The following MEA1 variants were observed in gnomAD, a reference collection of about 807,000 sequenced individuals.
MEA1 encodes male-enhanced antigen 1.
Under a neutral mutation model 21.4 loss-of-function variants are expected in MEA1, and 22 were observed. The ratio of observed to expected loss-of-function variants is 1.03; its 90% CI spans 0.73 to 1.47. MEA1 has a LOEUF of 1.47. Ranked by LOEUF, MEA1 falls within the 40% of genes most tolerant of loss-of-function variation. MEA1 has a pLI of 0.00. For missense variants in MEA1, 233 were observed against 230.5 expected (o/e 1.01, Z -0.07); for synonymous variants, 91 against 85.5 (o/e 1.06, Z -0.35).
At position 43,012,473 on chromosome 6, in the gene MEA1, C is replaced by G. The variant is rs377566821; in HGVS notation, c.555G>C (p.Lys185Asn). Residue 185 changes from lysine to asparagine, a missense_variant, in exon 4 of 4, where the codon AAG (lysine) becomes AAC (asparagine). Physicochemically the swap from Lys to Asn is moderately conservative, Grantham distance 94 (BLOSUM62 0). Coordinates refer to ENST00000244711, the MANE Select transcript of MEA1 (RefSeq NM_014623.4). ...LQARQASPAW[K>N] ...TATAAGGCAGCTCTCACTGTGGTCA[C>G]TTCCAGGCAGGGGATGCCTGCCGGG... 3.8e-6 allele frequency: 6 copies of G among 1,598,012 alleles called. No homozygotes were observed. Among genetic ancestry groups the G allele is most frequent in the Middle Eastern group, 3.4e-4 (2 of 5,952 alleles).
intron 1 of MEA1, 158 bp downstream of exon 1, chr6:43,013,628 C>T (rs1762461214): frequency 1.1e-6 from 1 of 874,724 alleles, no homozygotes; most frequent in South Asian, 1.6e-5. Flanking sequence ...AACGCCCAAC[C>T]GGAGGCCCTG....
rs1762415366 is a variant in MEA1 at position 43,012,740 on chromosome 6, T to C, written c.407-119A>G. 2.2e-6 allele frequency: 3 copies of C among 1,337,600 alleles called. No individual in the cohort carries two copies. The Admixed American group carries it at 7.4e-5, about 33-fold the overall frequency. The allele number at this position is 1,337,600 out of a possible 1,614,324, so 82.9% of individuals were successfully genotyped here. A position where few individuals can be genotyped will look rare whatever the true frequency, so the allele number is the denominator to read the frequency against. ...AGGGTCACCAAATCCACCTTGTTACTTTAAGGCAAGCCTGCCCATCCCCAA... is the reference window on the plus strand; with the variant it reads ...AGGGTCACCAAATCCACCTTGTTACCTTAAGGCAAGCCTGCCCATCCCCAA... On this transcript the variant is annotated intron_variant, in intron 3 of 3. Coordinates refer to ENST00000244711, the MANE Select transcript of MEA1 (RefSeq NM_014623.4).
rs1581864638 is a variant in MEA1, at chr6:43,011,372, T to G, written c.*1098A>C. 2 of 1,549,340 alleles carry G rather than the reference T, an allele frequency of 1.3e-6. No homozygotes were observed. The highest frequency in any genetic ancestry group is 1.8e-6 in the Non-Finnish European group (2 of 1,139,642). On this transcript the variant is annotated 3_prime_UTR_variant, in exon 4 of 4. Coordinates refer to ENST00000244711, the MANE Select transcript of MEA1 (RefSeq NM_014623.4). The stretch of plus-strand genomic sequence containing the variant: ...TCCATACTCTGCTCCCTACTGGCTG[T>G]CTTGGGGGAAGGCAGCGCCTCTCTA...
In MEA1 at chr6:43,012,423, C is replaced by T. The variant is rs771339234; in HGVS notation, c.*47G>A. ...AACCAGGGATGTGTTCAGTCCTGTG[C>T]TGGTTCTGGCCTGGAATGTAGGAAT... On this transcript the variant is annotated 3_prime_UTR_variant, in exon 4 of 4. Transcript: ENST00000244711. 1.3e-6 allele frequency: 2 copies of T among 1,541,794 alleles called. No homozygotes were observed. Among genetic ancestry groups the T allele is most frequent in the Non-Finnish European group, 1.7e-6 (2 of 1,145,100 alleles).
rs1262361997 is a variant in MEA1 at position 43,013,324 on chromosome 6, T to G, written c.94A>C (p.Asn32His). 1.9e-6 allele frequency: 3 copies of G among 1,613,986 alleles called. No homozygotes were observed. In the African/African-American group the frequency reaches 4.0e-5, roughly 22 times the overall value. Residue 32 changes from asparagine (N) to histidine (H), a missense_variant, in exon 2 of 4, where the codon AAT (asparagine) becomes CAT (histidine). Physicochemically the swap from Asn to His is moderately conservative, Grantham distance 68 (BLOSUM62 1). Transcript: ENST00000244711. ...DTMGPERIFP[N>H]QTEELGHQGP... ...TGATGTCCCAGTTCCTCAGTCTGAT[T>G]GGGGAAGATACGCTCAGGGCCCATG...
At chr6:43,016,021 C>T (rs932532301), upstream of MEA1, among the ~76,000 whole-genome samples, 3 of 150,526 alleles carry the variant, frequency 2.0e-5, no homozygotes, top group Admixed American at 1.3e-4. Flanking sequence ...CTCCAACCTC[C>T]GCCACCCGAG....
chr6:43,012,167 T>C lies in MEA1; in HGVS notation c.*303A>G. The C allele has an allele frequency of 9.2e-7, 1 of 1,088,170 alleles. No individual in the cohort carries two copies. Among genetic ancestry groups the C allele is most frequent in the Non-Finnish European group, 1.1e-6 (1 of 894,452 alleles). 67.4% of individuals were successfully genotyped at this position (1,088,170 alleles called of 1,614,324 possible). ...CTTCTCTTGTCCCTTATAGGTACCT[T>C]GGAGGGGCCAGGGGCTGAGGAAGGC... On this transcript the variant is annotated 3_prime_UTR_variant, in exon 4 of 4. Coordinates refer to ENST00000244711, the MANE Select transcript of MEA1 (RefSeq NM_014623.4).
chr6:43,014,874 C>T (rs545324936), upstream of MEA1, among the ~76,000 whole-genome samples: 6 of 152,066 alleles, frequency 3.9e-5, no homozygotes, highest in African/African-American at 1.4e-4. Flanking sequence ...AGAGACCAGG[C>T]GGGTAGATAC....
At chr6:43,014,166 A>G (rs1762497038), upstream of MEA1, 7 of 1,411,440 alleles carry the variant, frequency 5.0e-6, no homozygotes, top group Non-Finnish European at 5.5e-6. Context: ...CGTATGGACT[A>G]CAAGTCCCGA....
Position 43,012,134 on chromosome 6 carries a change from G to A in MEA1, c.*336C>T, listed in dbSNP as rs750614384. ...TTTATTTCCTTGTTTGTGCTATGCTGGGCAGGCCTTCTCTTGTCCCTTATA... is the reference window on the plus strand; with the variant it reads ...TTTATTTCCTTGTTTGTGCTATGCTAGGCAGGCCTTCTCTTGTCCCTTATA... On this transcript the variant is annotated 3_prime_UTR_variant, in exon 4 of 4. Coordinates refer to ENST00000244711, the MANE Select transcript of MEA1 (RefSeq NM_014623.4). 2.9e-5 allele frequency: 26 copies of A among 901,868 alleles called. No individual in the cohort carries two copies. Among genetic ancestry groups the A allele is most frequent in the Non-Finnish European group, 3.4e-5 (25 of 739,872 alleles). The allele number at this position is 901,868 out of a possible 1,614,324, so 55.9% of individuals were successfully genotyped here.
At chr6:43,014,714 T>G, upstream of MEA1, 1 of 434,250 alleles carries the variant, frequency 2.3e-6, no homozygotes, top group Non-Finnish European at 4.7e-6. Flanking sequence ...GGTATCGTGG[T>G]CAGTGCATGC....
At chr6:43,015,967 C>T (rs908282005), upstream of MEA1, among the ~76,000 whole-genome samples, 5 of 151,394 alleles carry the variant, frequency 3.3e-5, no homozygotes, top group South Asian at 2.1e-4. Flanking sequence ...GACAGAGTCT[C>T]GCTCTGTCGC....
chr6:43,012,743 A>C (rs575431511), intron 3 of MEA1, 122 bp from the exon 4 acceptor site: 3 of 1,308,920 alleles, frequency 2.3e-6, no homozygotes, highest in African/African-American at 3.0e-5. Flanking sequence ...TTGTTACTTT[A>C]AGGCAAGCCT....
chr6:43,014,510 TA>T (rs1203008833), upstream of MEA1: 2 of 473,954 alleles, frequency 4.2e-6, no homozygotes, highest in Non-Finnish European at 8.3e-6. Flanking sequence ...AAAGCAGGGC[TA>T]GGGGAGGATG....
rs1435435878 is a variant in MEA1, at chr6:43,012,995, C to T, written c.337G>A (p.Glu113Lys). 6.2e-7 allele frequency: 1 copy of T among 1,614,210 alleles called. No homozygotes were observed. Among genetic ancestry groups the T allele is most frequent in the Admixed American group, 1.7e-5 (1 of 60,020 alleles). ...CCCTCCTCATCTTCATCTTCACTCT[C>T]TAATGGTGGGTCTGGCAAATGAAGC... ...LGLHLPDPPL[E>K]SEDEDEEGAT... is the part of the protein sequence containing the mutation. The change falls in exon 3 of 4, where the codon GAG (glutamate) becomes AAG (lysine). Residue 113 changes from glutamate (E) to lysine (K), a missense_variant. Physicochemically the swap from Glu to Lys is moderately conservative, Grantham distance 56. Coordinates refer to ENST00000244711, the MANE Select transcript of MEA1 (RefSeq NM_014623.4).
chr6:43,015,871 A>G (rs1401612723), upstream of MEA1, among the ~76,000 whole-genome samples: 3 of 151,184 alleles, frequency 2.0e-5, no homozygotes, highest in Non-Finnish European at 4.4e-5. Flanking sequence ...AAAAAAAAAA[A>G]AAGACCATGA....
chr6:43,013,969 C>T (rs549248529), upstream of MEA1: 74 of 1,436,006 alleles, frequency 5.2e-5, no homozygotes, highest in South Asian at 8.6e-4. Context: ...CCAGCCCCGC[C>T]CCATATCCAT....
Position 43,011,405 on chromosome 6 carries a change from A to G in MEA1, c.*1065T>C. 7.4e-7 allele frequency: 1 copy of G among 1,360,052 alleles called. No individual in the cohort carries two copies. The highest frequency in any genetic ancestry group is 1.0e-6 in the Non-Finnish European group (1 of 1,001,938). 84.2% of individuals were successfully genotyped at this position (1,360,052 alleles called of 1,614,324 possible). On this transcript the variant is annotated 3_prime_UTR_variant, in exon 4 of 4. Coordinates refer to ENST00000244711, the MANE Select transcript of MEA1 (RefSeq NM_014623.4). Reference sequence around the variant, plus strand: ...GAAGGCAGCGCCTCTCTAGCTACTCAAGGGAGGGGGATGTGGGCACTTGAA... The same window carrying G: ...GAAGGCAGCGCCTCTCTAGCTACTCGAGGGAGGGGGATGTGGGCACTTGAA...
At chr6:43,014,108 C>G (rs1762491323), upstream of MEA1, 2 of 1,415,350 alleles carry the variant, frequency 1.4e-6, no homozygotes, top group Non-Finnish European at 9.2e-7. Flanking sequence ...TGCGCAGAAT[C>G]TCTCCTACGC....
Sources: gnomAD v4.1 joint callset for allele counts (sites outside exome capture counted in the v4.1 genomes callset) on GRCh38, gnomAD v4.1.1 for gene constraint, MANE v1.5 for transcripts, NCBI Gene and HGNC (gene_info 2026-07-23, HGNC 2026-07-21) for gene names.